Variants in BABAM2 observed in about 807,000 individuals in gnomAD.
The protein encoded by BABAM2 is BRISC and BRCA1-A complex member 2.
A neutral mutation model predicts 54.7 loss-of-function variants in BABAM2; 31 were observed. That is an observed-to-expected ratio of 0.57 (90% CI 0.43 to 0.77). The LOEUF is 0.77. Among genes scored for constraint, BABAM2 ranks in the 30% least tolerant of loss-of-function variants. The pLI, the probability that BABAM2 is intolerant of heterozygous loss-of-function variation, is 0.00. For synonymous variants in BABAM2, 167 were observed against 162.9 expected (o/e 1.03, Z -0.19); for missense variants, 364 against 455.8 (o/e 0.80, Z 1.83).
intron 3 of BABAM2, among the ~76,000 whole-genome samples, chr2:27,979,031 T>A (rs1671808484): frequency 8.0e-5 from 1 of 12,476 alleles, no homozygotes; most frequent in Non-Finnish European, 1.5e-4. Context: ...TTTCTTTTTT[T>A]CTTTTTTTTT....
intron 10 of BABAM2, among the ~76,000 whole-genome samples, chr2:28,276,258 A>G (rs576408752): frequency 1.3e-5 from 2 of 152,228 alleles, no homozygotes; most frequent in East Asian, 1.9e-4. Flanking sequence ...CATGCAAAAG[A>G]TGACTAAGCA....
At chr2:28,276,072 C>T (rs990570105) in intron 10 of BABAM2, among the ~76,000 whole-genome samples, 1 of 150,580 alleles carries the variant, frequency 6.6e-6, no homozygotes, top group South Asian at 2.1e-4. Context: ...TTTACCTTCA[C>T]AGTAAATAGT....
At chr2:28,287,660 G>A (rs1686936655) in intron 10 of BABAM2, among the ~76,000 whole-genome samples, 1 of 152,186 alleles carries the variant, frequency 6.6e-6, no homozygotes, top group African/African-American at 2.4e-5. Flanking sequence ...AAGGCTTCCT[G>A]GAAGAAGGCG....
chr2:28,214,068 T>G (rs1679716710), intron 7 of BABAM2, among the ~76,000 whole-genome samples: 1 of 152,178 alleles, frequency 6.6e-6, no homozygotes. Context: ...ATGGCTGCCG[T>G]GCAATAATCA....
chr2:28,014,694 C>G (rs1218895288), intron 4 of BABAM2, among the ~76,000 whole-genome samples: 1 of 149,004 alleles, frequency 6.7e-6, no homozygotes, highest in Non-Finnish European at 1.5e-5. Context: ...AATCAAAACC[C>G]TGCATTTTAC....
At chr2:28,154,960 A>T (rs1177167576) in intron 7 of BABAM2, among the ~76,000 whole-genome samples, 1 of 152,186 alleles carries the variant, frequency 6.6e-6, no homozygotes, top group Non-Finnish European at 1.5e-5. Flanking sequence ...TCTCCGTGCT[A>T]TTCCTACCTT....
At chr2:28,088,930 C>A (rs1665915335) in intron 6 of BABAM2, among the ~76,000 whole-genome samples, 1 of 152,232 alleles carries the variant, frequency 6.6e-6, no homozygotes, top group East Asian at 1.9e-4. Flanking sequence ...AAATCATAAG[C>A]ACTAAGAGGA....
At chr2:28,100,704 C>G (rs1667010760) in intron 6 of BABAM2, among the ~76,000 whole-genome samples, 1 of 152,110 alleles carries the variant, frequency 6.6e-6, no homozygotes, top group Admixed American at 6.5e-5. Context: ...AGAGAAGTTG[C>G]TACTTGTTGA....
At chr2:28,158,531 A>C (rs564710194) in intron 7 of BABAM2, among the ~76,000 whole-genome samples, 1 of 152,242 alleles carries the variant, frequency 6.6e-6, no homozygotes, top group Admixed American at 6.5e-5. Flanking sequence ...ACCATGCTAA[A>C]TCTCAGTACC....
intron 4 of BABAM2, among the ~76,000 whole-genome samples, chr2:28,019,612 T>C (rs574521729): frequency 7.2e-5 from 11 of 152,222 alleles, no homozygotes; most frequent in Non-Finnish European, 1.0e-4. Context: ...TCTTATAGAA[T>C]CTTTATGGTT....
intron 7 of BABAM2, among the ~76,000 whole-genome samples, chr2:28,155,554 A>G (rs563076844): frequency 6.6e-6 from 1 of 152,280 alleles, no homozygotes; most frequent in Non-Finnish European, 1.5e-5. Flanking sequence ...TGCTGAGGTA[A>G]TAAATGTAAA....
intron 11 of BABAM2, chr2:28,310,285 C>T: frequency 1.1e-6 from 1 of 880,552 alleles, no homozygotes; most frequent in Non-Finnish European, 1.7e-6. Context: ...ACCATCCTCT[C>T]AGCCTGTGCA....
At chr2:28,003,626 T>C (rs1673735170) in intron 4 of BABAM2, among the ~76,000 whole-genome samples, 1 of 152,100 alleles carries the variant, frequency 6.6e-6, no homozygotes, top group Non-Finnish European at 1.5e-5. Flanking sequence ...TCTAGTGTTA[T>C]AGCCAGAGTC....
intron 7 of BABAM2, among the ~76,000 whole-genome samples, chr2:28,221,464 G>A (rs1028060501): frequency 2.0e-5 from 3 of 152,098 alleles, no homozygotes; most frequent in Admixed American, 2.0e-4. Flanking sequence ...TGTTGTTGTT[G>A]TTGCTTTAAT....
At position 28,298,508 on chromosome 2, in the gene BABAM2, T is replaced by C; in HGVS notation, c.1088+17T>C. The C allele has an allele frequency of 6.2e-7, 1 of 1,613,962 alleles. No homozygotes were observed. Among genetic ancestry groups the C allele is most frequent in the Non-Finnish European group, 8.5e-7 (1 of 1,179,884 alleles). ...AAGAGCAAAGTAAGTGAATCTGTCG[T>C]TATTTCCAACAGGTAAGAGCATTTT... is the stretch of plus-strand genomic sequence containing the variant. On this transcript the variant is annotated intron_variant, in intron 11 of 11. Transcript: ENST00000379624.
intron 4 of BABAM2, among the ~76,000 whole-genome samples, chr2:27,999,757 A>T (rs1286326718): frequency 6.6e-6 from 1 of 152,228 alleles, no homozygotes; most frequent in Non-Finnish European, 1.5e-5. Context: ...AATAGTTACG[A>T]ACTTCATGTG....
At chr2:27,999,439 A>T (rs964463769) in intron 4 of BABAM2, among the ~76,000 whole-genome samples, 1 of 152,192 alleles carries the variant, frequency 6.6e-6, no homozygotes, top group African/African-American at 2.4e-5. Flanking sequence ...TGAGCAAGCC[A>T]GTTGGCTTGG....
chr2:28,194,575 C>CTTTTTTTTTTT (rs10684650), intron 7 of BABAM2, among the ~76,000 whole-genome samples: 1 of 99,198 alleles, frequency 1.0e-5, no homozygotes, highest in Non-Finnish European at 1.9e-5. Flanking sequence ...ACAACGTAGA[C>CTTTTTTTTTTT]TTTTTTTTTT....
chr2:28,125,608 A>C (rs1312225096), intron 6 of BABAM2, among the ~76,000 whole-genome samples: 3 of 152,176 alleles, frequency 2.0e-5, no homozygotes, highest in Non-Finnish European at 2.9e-5. Flanking sequence ...CAAAATTTTT[A>C]GAAAATAATC....
Sources: allele counts gnomAD v4.1 joint callset (sites outside exome capture counted in the v4.1 genomes callset), GRCh38; gene constraint gnomAD v4.1.1; transcripts MANE v1.5; gene names NCBI Gene and HGNC (gene_info 2026-07-23, HGNC 2026-07-21).